The following OSBPL6 variants were observed in gnomAD, a reference collection of about 807,000 sequenced individuals.
OSBPL6 encodes the protein oxysterol-binding protein-related protein 6.
OSBPL6 carries 49 observed loss-of-function variants against 125.8 expected under a neutral mutation model. That is an observed-to-expected ratio of 0.39 (90% confidence interval 0.31 to 0.49). OSBPL6 has a LOEUF of 0.49. Among genes scored for constraint, OSBPL6 ranks in the 20% least tolerant of loss-of-function variants. OSBPL6 has a pLI of 0.88. For missense variants in OSBPL6, 986 were observed against 1,135.4 expected, an observed-to-expected ratio of 0.87 and a Z score of 1.89; for synonymous variants, 394 against 391.8, an observed-to-expected ratio of 1.01 and a Z score of -0.07.
intron 15 of OSBPL6, among the ~76,000 whole-genome samples, chr2:178,379,505 AGAAAT>A (rs1402179661): frequency 1.3e-5 from 2 of 152,142 alleles, no homozygotes; most frequent in Non-Finnish European, 2.9e-5. Context: ...AGAGAAGAAA[AGAAAT>A]CGAGGAAGAA....
chr2:178,382,123 C>T (rs1267784494), intron 15 of OSBPL6, among the ~76,000 whole-genome samples: 1 of 152,154 alleles, frequency 6.6e-6, no homozygotes, highest in Admixed American at 6.5e-5. Flanking sequence ...AGTACTCTTG[C>T]ACCAACCTGA....
rs757606940 is a variant in OSBPL6 at position 178,298,694 on chromosome 2, G to GTTTTTTT, written c.-155-7336_-155-7335insTTTTTTT. Among the ~76,000 whole-genome samples, 44 of 139,424 alleles carry GTTTTTTT rather than the reference G, an allele frequency of 3.2e-4. 1 individual carries two copies. The highest frequency in any genetic ancestry group is 1.1e-3 in the African/African-American group (42 of 37,920). 91.5% of individuals were successfully genotyped at this position (139,424 alleles called of 152,430 possible). On this transcript the variant is annotated intron_variant, in intron 2 of 24. Transcript: ENST00000190611. ...CACCATGCCCAGCCTATTTTTAGTT[G>GTTTTTTT]CTTTTTTTTTTGTTTTTTTTTTTTT...
intron 1 of OSBPL6, among the ~76,000 whole-genome samples, chr2:178,279,890 G>A (rs1439458366): frequency 1.3e-5 from 2 of 152,150 alleles, no homozygotes. Context: ...ACAAGACCCA[G>A]TGAAATTTCT....
intron 12 of OSBPL6, among the ~76,000 whole-genome samples, chr2:178,359,446 G>C (rs1006430135): frequency 7.2e-5 from 11 of 152,142 alleles, no homozygotes; most frequent in Admixed American, 6.5e-4. Context: ...GTACACTGTT[G>C]TTGGGAGTGT....
intron 1 of OSBPL6, among the ~76,000 whole-genome samples, chr2:178,243,788 G>A (rs911347161): frequency 1.3e-5 from 2 of 152,126 alleles, no homozygotes; most frequent in Admixed American, 6.5e-5. Flanking sequence ...GAGTAGCTGG[G>A]ATTACAGGTG....
At chr2:178,380,085 C>A (rs1037012355) in intron 15 of OSBPL6, among the ~76,000 whole-genome samples, 1 of 152,062 alleles carries the variant, frequency 6.6e-6, no homozygotes, top group Non-Finnish European at 1.5e-5. Flanking sequence ...AAAATGTAAT[C>A]TATATGTCAA....
rs138025541 is a variant in OSBPL6, at chr2:178,217,510, T to C, written c.-351+22836T>C. Among the ~76,000 whole-genome samples, 292 of 152,232 alleles carry C rather than the reference T, an allele frequency of 1.9e-3. 1 individual carries two copies. The highest frequency in any genetic ancestry group is 6.3e-3 in the African/African-American group (263 of 41,522). On this transcript the variant is annotated intron_variant, in intron 1 of 24. Transcript: ENST00000190611. ...CACGAGTTTAGGAGTGGAGGTTTAA[T>C]AGGCAGAAGAGAAGAGAAAGAGAAA...
intron 1 of OSBPL6, among the ~76,000 whole-genome samples, chr2:178,257,794 A>C (rs1303517979): frequency 7.0e-6 from 1 of 142,918 alleles, no homozygotes; most frequent in African/African-American, 2.8e-5. Flanking sequence ...ATATTTTTTT[A>C]ATTCCTTTTT....
intron 12 of OSBPL6, among the ~76,000 whole-genome samples, chr2:178,354,939 A>G (rs960584363): frequency 1.3e-5 from 2 of 152,232 alleles, no homozygotes; most frequent in Admixed American, 1.3e-4. Context: ...AACTCACTCA[A>G]AACCGCACAA....
At chr2:178,394,488 G>T in intron 24 of OSBPL6, 53 bp downstream of exon 24, 1 of 1,552,836 alleles carries the variant, frequency 6.4e-7, no homozygotes, top group South Asian at 1.2e-5. Context: ...GGTTGCCACA[G>T]GCCATGAGAA....
intron 1 of OSBPL6, among the ~76,000 whole-genome samples, chr2:178,210,044 G>A (rs2089772804): frequency 6.6e-6 from 1 of 151,726 alleles, no homozygotes; most frequent in East Asian, 1.9e-4. Context: ...ATTTGAGATA[G>A]GGTCTCACTC....
At chr2:178,235,054 C>A (rs1037706958) in intron 1 of OSBPL6, among the ~76,000 whole-genome samples, 3 of 152,134 alleles carry the variant, frequency 2.0e-5, no homozygotes. Context: ...AGGTACTTTG[C>A]CGGATACTCT....
chr2:178,313,046 A>G (rs1687430374), intron 3 of OSBPL6, among the ~76,000 whole-genome samples: 1 of 151,690 alleles, frequency 6.6e-6, no homozygotes, highest in Non-Finnish European at 1.5e-5. Context: ...CAGGCGCCCA[A>G]CACCACGCCC....
At chr2:178,378,499 C>A (rs940289177) in intron 15 of OSBPL6, among the ~76,000 whole-genome samples, 5 of 152,192 alleles carry the variant, frequency 3.3e-5, no homozygotes, top group Admixed American at 2.6e-4. Context: ...AAAAAATGTT[C>A]TTCTTGCTTC....
chr2:178,286,334 G>C (rs918992118), intron 2 of OSBPL6, among the ~76,000 whole-genome samples: 3 of 152,112 alleles, frequency 2.0e-5, no homozygotes, highest in Admixed American at 6.5e-5. Flanking sequence ...CACCTGCCTG[G>C]GACACGTAGG....
intron 20 of OSBPL6, 107 bp from the exon 21 acceptor site, chr2:178,388,902 G>A: frequency 1.7e-6 from 2 of 1,165,272 alleles, no homozygotes; most frequent in Admixed American, 2.2e-5. Flanking sequence ...AATGGGAGGA[G>A]AATGAGGGAA....
intron 1 of OSBPL6, among the ~76,000 whole-genome samples, chr2:178,218,633 C>CT (rs10699137): frequency 0.39 from 53,910 of 137,218 alleles, 11,149 homozygotes; most frequent in African/African-American, 0.5. Flanking sequence ...TTCTTTCTTT[C>CT]TTTTTTTTTT....
At chr2:178,341,330 A>AT (rs1394056919) in intron 11 of OSBPL6, among the ~76,000 whole-genome samples, 31 of 115,552 alleles carry the variant, frequency 2.7e-4, no homozygotes, top group African/African-American at 1.0e-3. Flanking sequence ...CCCCCAAATC[A>AT]TTCTTTTTTT....
At chr2:178,372,327 T>G in intron 14 of OSBPL6, 94 bp downstream of exon 14, 2 of 791,464 alleles carry the variant, frequency 2.5e-6, no homozygotes, top group Admixed American at 5.5e-5. Context: ...TCTTTCACAG[T>G]TAATAAGGTT....
Sources: gnomAD v4.1 joint callset for allele counts (sites outside exome capture counted in the v4.1 genomes callset) on GRCh38, gnomAD v4.1.1 for gene constraint, MANE v1.5 for transcripts, NCBI Gene and HGNC (gene_info 2026-07-23, HGNC 2026-07-21) for gene names.